The following PDE6D variants were observed in gnomAD, a reference collection of about 807,000 sequenced individuals.
PDE6D encodes the protein retinal rod rhodopsin-sensitive cGMP 3',5'-cyclic phosphodiesterase subunit delta.
PDE6D carries 10 observed loss-of-function variants against 21.9 expected under a neutral mutation model. That is an observed-to-expected ratio of 0.46 (90% CI 0.28 to 0.78). The LOEUF (loss-of-function observed/expected upper bound fraction) is 0.78, where lower values mean the gene tolerates loss of function less well. Ranked by LOEUF, PDE6D falls within the 30% of genes least tolerant of loss-of-function variation. The pLI is 0.12. For missense variants in PDE6D, 139 were observed against 184.8 expected, an observed-to-expected ratio of 0.75 and a Z score of 1.44; for synonymous variants, 59 against 63.5, an observed-to-expected ratio of 0.93 and a Z score of 0.34.
intron 4 of PDE6D, among the ~76,000 whole-genome samples, chr2:231,735,822 G>A (rs921382605): frequency 1.3e-5 from 2 of 151,716 alleles, no homozygotes; most frequent in Non-Finnish European, 2.9e-5. Flanking sequence ...TTAGGAGTTC[G>A]AGACCAGCTT....
chr2:231,759,769 G>T (rs2048911534), intron 1 of PDE6D, among the ~76,000 whole-genome samples: 1 of 152,112 alleles, frequency 6.6e-6, no homozygotes, highest in African/African-American at 2.4e-5. Context: ...AACAAACAGT[G>T]AACTACTGCC....
At chr2:231,750,414 T>C (rs2048828851) in intron 1 of PDE6D, among the ~76,000 whole-genome samples, 1 of 152,056 alleles carries the variant, frequency 6.6e-6, no homozygotes, top group African/African-American at 2.4e-5. Context: ...TAAATTCATA[T>C]ATTATTTGAT....
At chr2:231,735,302 A>ATTTT (rs576327627) in intron 4 of PDE6D, among the ~76,000 whole-genome samples, 3 of 132,024 alleles carry the variant, frequency 2.3e-5, no homozygotes, top group Non-Finnish European at 4.8e-5. Flanking sequence ...TTCTATTACA[A>ATTTT]TTTTTTTTTT....
Position 231,739,096 on chromosome 2 carries a change from G to A in PDE6D, c.139+4C>T. The A allele has an allele frequency of 6.3e-7, 1 of 1,596,890 alleles. No homozygotes were observed. Among genetic ancestry groups the A allele is most frequent in the Non-Finnish European group, 8.6e-7 (1 of 1,164,374 alleles). On this transcript the variant is annotated splice_donor_region_variant and intron_variant, in intron 2 of 4. Coordinates refer to ENST00000287600, the MANE Select transcript of PDE6D (RefSeq NM_002601.4). This position sits in a 1 kb window ranked among gnomAD's most constrained non-coding sequence, Gnocchi z 4.2. ...CCCTGTGTAGATAAAGGGTTGGAAA[G>A]TACCTTCATGCTCCACACCAGGGAC...
chr2:231,780,460 C>T (rs1190759972), intron 1 of PDE6D, among the ~76,000 whole-genome samples: 1 of 152,174 alleles, frequency 6.6e-6, no homozygotes, highest in African/African-American at 2.4e-5. Flanking sequence ...TCTCTTTCCC[C>T]ACCTCCCCCA....
At chr2:231,750,393 GA>G (rs1370842667) in intron 1 of PDE6D, among the ~76,000 whole-genome samples, 4 of 151,912 alleles carry the variant, frequency 2.6e-5, no homozygotes, top group Non-Finnish European at 5.9e-5. Context: ...TATAGAGGGG[GA>G]CAATATCTTT....
At chr2:231,755,695 C>T (rs1416682003) in intron 1 of PDE6D, among the ~76,000 whole-genome samples, 13 of 151,910 alleles carry the variant, frequency 8.6e-5, no homozygotes, top group Admixed American at 6.6e-4. Context: ...CTGAGGCGGG[C>T]GGATCAACTG....
intron 1 of PDE6D, chr2:231,778,886 A>G (rs931571974): frequency 2.0e-5 from 3 of 152,236 alleles, no homozygotes; most frequent in South Asian, 4.1e-4. Flanking sequence ...ACTGAGTACT[A>G]TCAACACTGC....
chr2:231,758,193 T>C (rs901504116), intron 1 of PDE6D, among the ~76,000 whole-genome samples: 1 of 152,194 alleles, frequency 6.6e-6, no homozygotes, highest in African/African-American at 2.4e-5. Flanking sequence ...GGTAGATAGA[T>C]AGTGCAGTGG....
intron 1 of PDE6D, among the ~76,000 whole-genome samples, chr2:231,775,369 G>A (rs949785329): frequency 3.3e-5 from 5 of 151,970 alleles, no homozygotes; most frequent in African/African-American, 1.2e-4. Flanking sequence ...ATGCAGTGGG[G>A]CACAGTCTTG....
At chr2:231,741,180 A>C (rs1020212793) in intron 1 of PDE6D, among the ~76,000 whole-genome samples, 9 of 151,892 alleles carry the variant, frequency 5.9e-5, no homozygotes, top group Non-Finnish European at 2.9e-5. Context: ...GTGCATTTAC[A>C]GAATATCAAA....
At chr2:231,737,876 G>T in intron 3 of PDE6D, 137 bp downstream of exon 3, 1 of 817,722 alleles carries the variant, frequency 1.2e-6, no homozygotes, top group Non-Finnish European at 1.9e-6. Flanking sequence ...TCACAGTCTT[G>T]CAGAGTGTAG....
At chr2:231,764,272 C>T (rs983689410) in intron 1 of PDE6D, among the ~76,000 whole-genome samples, 1 of 152,034 alleles carries the variant, frequency 6.6e-6, no homozygotes, top group African/African-American at 2.4e-5. Context: ...AACAAATTAG[C>T]TACATGTGGT....
intron 1 of PDE6D, among the ~76,000 whole-genome samples, chr2:231,777,319 C>T (rs2049065071): frequency 6.6e-6 from 1 of 152,164 alleles, no homozygotes; most frequent in African/African-American, 2.4e-5. Context: ...ACAGTATTCA[C>T]TTTTATGCAG....
rs838422 is a variant in PDE6D at position 231,734,051 on chromosome 2, A to C, written c.372-1018T>G. Among the ~76,000 whole-genome samples the C allele has an allele frequency of 9.5e-3, 1,449 of 152,030 alleles. 16 individuals carry two copies. Among genetic ancestry groups the C allele is most frequent in the South Asian group, 0.023 (112 of 4,802 alleles). Reference sequence around the variant, plus strand: ...ACAGGGTGAAACCCTGTCTCTACTAAAAATACAAAAAAATTAGCCAGGCGT... The same window carrying C: ...ACAGGGTGAAACCCTGTCTCTACTACAAATACAAAAAAATTAGCCAGGCGT... On this transcript the variant is annotated intron_variant, in intron 4 of 4. Transcript: ENST00000287600.
chr2:231,754,680 T>C (rs1279130919), intron 1 of PDE6D, among the ~76,000 whole-genome samples: 3 of 141,464 alleles, frequency 2.1e-5, no homozygotes, highest in Non-Finnish European at 4.4e-5. Flanking sequence ...CCTTCTTTTG[T>C]CTTTTTTTTT....
intron 1 of PDE6D, among the ~76,000 whole-genome samples, chr2:231,767,945 A>T (rs2048985380): frequency 6.6e-6 from 1 of 151,266 alleles, no homozygotes; most frequent in East Asian, 2.0e-4. Context: ...TCCTGGGCTC[A>T]AGTGATACTC....
At chr2:231,734,223 A>T (rs991646264) in intron 4 of PDE6D, among the ~76,000 whole-genome samples, 2 of 150,098 alleles carry the variant, frequency 1.3e-5, no homozygotes, top group African/African-American at 2.4e-5. Flanking sequence ...CAAAAAAAAT[A>T]AAAAAAAATA....
intron 1 of PDE6D, among the ~76,000 whole-genome samples, chr2:231,763,613 A>AT (rs2048948632): frequency 6.7e-6 from 1 of 150,132 alleles, no homozygotes; most frequent in South Asian, 2.1e-4. Flanking sequence ...CTTTTATGTC[A>AT]TTTTTCTTTA....
Sources: allele counts gnomAD v4.1 joint callset (sites outside exome capture counted in the v4.1 genomes callset), GRCh38; gene constraint gnomAD v4.1.1; non-coding constraint Gnocchi (gnomAD v3.1); transcripts MANE v1.5; gene names NCBI Gene and HGNC (gene_info 2026-07-23, HGNC 2026-07-21).